The following GABBR2 variants were observed in gnomAD, a reference collection of about 807,000 sequenced individuals.
GABBR2 encodes the protein G-protein coupled receptor 51.
In GABBR2, 23 loss-of-function variants were observed where a neutral mutation model predicts 105.6. That is an observed-to-expected ratio of 0.22 (90% CI 0.16 to 0.31). The LOEUF (loss-of-function observed/expected upper bound fraction) is 0.31, where lower values mean the gene tolerates loss of function less well. GABBR2 is among the 10% of genes least tolerant of loss of function. The pLI, the probability that GABBR2 is intolerant of heterozygous loss-of-function variation, is 1.00. For synonymous variants in GABBR2, 478 were observed against 499.7 expected (o/e 0.96, Z 0.58); for missense variants, 734 against 1,245.5 (o/e 0.59, Z 6.18).
intron 12 of GABBR2, among the ~76,000 whole-genome samples, chr9:98,364,005 C>T (rs62574359): frequency 0.11 from 17,407 of 152,116 alleles, 1,129 homozygotes; most frequent in African/African-American, 0.16. Flanking sequence ...TGGTTTTTAA[C>T]GATTAAAGCC....
intron 1 of GABBR2, among the ~76,000 whole-genome samples, chr9:98,678,941 A>G (rs1830507506): frequency 6.6e-6 from 1 of 152,250 alleles, no homozygotes; most frequent in Non-Finnish European, 1.5e-5. Flanking sequence ...TAATTCTGAA[A>G]TGCAAATCAT....
At chr9:98,549,295 T>C (rs1828445104) in intron 2 of GABBR2, among the ~76,000 whole-genome samples, 1 of 132,848 alleles carries the variant, frequency 7.5e-6, no homozygotes, top group African/African-American at 2.5e-5. Flanking sequence ...AAATGTTTTA[T>C]TGGGTACCAA....
At chr9:98,563,851 C>A in intron 2 of GABBR2, among the ~76,000 whole-genome samples, 1 of 152,012 alleles carries the variant, frequency 6.6e-6, no homozygotes, top group East Asian at 1.9e-4. Context: ...AAGCAAAAGC[C>A]TTCTGTATAA....
Position 98,335,997 on chromosome 9 carries a change from T to G in GABBR2, c.1894-24792A>C, listed in dbSNP as rs74992712. Among the ~76,000 whole-genome samples, 673 of 152,286 alleles carry G rather than the reference T, an allele frequency of 4.4e-3. 5 individuals are homozygous for G. Among genetic ancestry groups the G allele is most frequent in the African/African-American group, 0.016 (648 of 41,548 alleles). ...GGGCCCTGTTTCATGGGGCTCACAT[T>G]CTAGTGGATGATAGAATATAGATGA... On this transcript the variant is annotated intron_variant, in intron 13 of 18. Coordinates refer to ENST00000259455, the MANE Select transcript of GABBR2 (RefSeq NM_005458.8).
intron 5 of GABBR2, among the ~76,000 whole-genome samples, chr9:98,478,142 G>A (rs1017680100): frequency 3.3e-5 from 5 of 152,224 alleles, no homozygotes; most frequent in African/African-American, 1.2e-4. Flanking sequence ...GCTGGAGTCT[G>A]CGATCCCATT....
chr9:98,621,112 A>G (rs996309890), intron 1 of GABBR2, among the ~76,000 whole-genome samples: 2 of 152,186 alleles, frequency 1.3e-5, no homozygotes, highest in Admixed American at 6.5e-5. Context: ...AGCCCTTCAC[A>G]ATTTATGAAG....
At chr9:98,693,590 T>C (rs532178857) in intron 1 of GABBR2, among the ~76,000 whole-genome samples, 2 of 152,310 alleles carry the variant, frequency 1.3e-5, no homozygotes, top group East Asian at 1.9e-4. Context: ...TTAGACAACA[T>C]GGCCATTGAT....
chr9:98,541,738 C>T, intron 3 of GABBR2, 135 bp downstream of exon 3: 1 of 720,250 alleles, frequency 1.4e-6, no homozygotes. Flanking sequence ...AACGGTGAAA[C>T]AGCTTTGATC....
chr9:98,480,112 A>C (rs916344680), intron 5 of GABBR2, among the ~76,000 whole-genome samples: 3 of 152,140 alleles, frequency 2.0e-5, no homozygotes, highest in Non-Finnish European at 4.4e-5. Context: ...ACCAGACACT[A>C]CGCCTAGAAT....
At chr9:98,447,163 G>A (rs1826147206) in intron 7 of GABBR2, among the ~76,000 whole-genome samples, 3 of 116,476 alleles carry the variant, frequency 2.6e-5, no homozygotes, top group African/African-American at 6.2e-5. Context: ...CCGGGTTCAC[G>A]CCATTCTCCT....
At chr9:98,589,067 C>G (rs961991165) in intron 1 of GABBR2, among the ~76,000 whole-genome samples, 2 of 152,216 alleles carry the variant, frequency 1.3e-5, no homozygotes, top group African/African-American at 4.8e-5. Context: ...TCCCAGACCC[C>G]ACCAACCATG....
intron 1 of GABBR2, among the ~76,000 whole-genome samples, chr9:98,673,467 T>C (rs1232158521): frequency 6.6e-6 from 1 of 152,118 alleles, no homozygotes; most frequent in Non-Finnish European, 1.5e-5. Context: ...GAAGGTGGAA[T>C]GTGAACAGGA....
intron 8 of GABBR2, among the ~76,000 whole-genome samples, chr9:98,401,128 G>A (rs1306041362): frequency 2.0e-5 from 3 of 152,134 alleles, no homozygotes; most frequent in African/African-American, 7.2e-5. Flanking sequence ...CCCCGAGACA[G>A]GAACATCACA....
intron 1 of GABBR2, among the ~76,000 whole-genome samples, chr9:98,666,979 G>A (rs1235030506): frequency 6.6e-6 from 1 of 152,128 alleles, no homozygotes; most frequent in Non-Finnish European, 1.5e-5. Context: ...GATCCACTGG[G>A]ATAGTGCTCC....
intron 3 of GABBR2, among the ~76,000 whole-genome samples, chr9:98,512,221 A>C (rs971016156): frequency 2.3e-5 from 3 of 132,992 alleles, no homozygotes; most frequent in Admixed American, 7.2e-5. Flanking sequence ...TTCATGCTAA[A>C]AACTCTCAAT....
chr9:98,333,305 G>C (rs1321816676), intron 13 of GABBR2, among the ~76,000 whole-genome samples: 2 of 152,178 alleles, frequency 1.3e-5, no homozygotes, highest in African/African-American at 4.8e-5. Flanking sequence ...CCTCAGAAAT[G>C]ATACTCATTT....
intron 13 of GABBR2, among the ~76,000 whole-genome samples, chr9:98,319,176 C>G (rs528208431): frequency 2.0e-5 from 3 of 152,166 alleles, no homozygotes; most frequent in African/African-American, 4.8e-5. Flanking sequence ...TCATCTACAA[C>G]CTCCCAGGGC....
intron 7 of GABBR2, among the ~76,000 whole-genome samples, chr9:98,414,721 C>T (rs1016507661): frequency 5.9e-5 from 9 of 152,124 alleles, no homozygotes; most frequent in African/African-American, 1.2e-4. Context: ...CGGTTGGGTG[C>T]GGCCATGTGA....
intron 1 of GABBR2, among the ~76,000 whole-genome samples, chr9:98,611,379 CCTAA>C (rs1829503817): frequency 6.6e-6 from 1 of 152,288 alleles, no homozygotes; most frequent in African/African-American, 2.4e-5. Context: ...CCATCCCTGC[CCTAA>C]CTATTTCCTA....
Sources: allele counts gnomAD v4.1 joint callset (sites outside exome capture counted in the v4.1 genomes callset), GRCh38; gene constraint gnomAD v4.1.1; transcripts MANE v1.5; gene names NCBI Gene and HGNC (gene_info 2026-07-23, HGNC 2026-07-21).